Variants in PCDH15 observed in about 807,000 individuals in gnomAD.
PCDH15 encodes the protein protocadherin related 15, also known as protocadherin-15.
A neutral mutation model predicts 178.5 loss-of-function variants in PCDH15; 129 were observed. The observed-to-expected ratio is 0.72, with a 90% CI of 0.63 to 0.84. PCDH15 has a LOEUF of 0.84. PCDH15 is among the 40% of genes least tolerant of loss of function. The pLI is 0.00. For synonymous variants in PCDH15, 800 were observed against 732.0 expected, an observed-to-expected ratio of 1.09 and a Z score of -1.50; for missense variants, 2,230 against 2,099.9, an observed-to-expected ratio of 1.06 and a Z score of -1.21.
chr10:54,914,563 TA>T (rs1257845229), intron 2 of PCDH15, among the ~76,000 whole-genome samples: 1 of 152,178 alleles, frequency 6.6e-6, no homozygotes, highest in Non-Finnish European at 1.5e-5. Flanking sequence ...ACATATGGAA[TA>T]GGGGGCCTTA....
At chr10:54,896,087 A>C (rs1350813664) in intron 3 of PCDH15, among the ~76,000 whole-genome samples, 2 of 152,034 alleles carry the variant, frequency 1.3e-5, no homozygotes, top group African/African-American at 4.8e-5. Flanking sequence ...GGGTTTCACT[A>C]TGTTGGCCAG....
At chr10:54,171,854 C>G (rs926540616) in intron 13 of PCDH15, among the ~76,000 whole-genome samples, 28 of 151,534 alleles carry the variant, frequency 1.8e-4, no homozygotes, top group African/African-American at 5.4e-4. Context: ...CTAACATCCC[C>G]ACAATATCAC....
intron 7 of PCDH15, among the ~76,000 whole-genome samples, chr10:54,329,017 G>T (rs1007971176): frequency 5.3e-5 from 8 of 151,872 alleles, no homozygotes; most frequent in Non-Finnish European, 7.4e-5. Flanking sequence ...TGTTTTACAA[G>T]CATATGTTTG....
intron 2 of PCDH15, among the ~76,000 whole-genome samples, chr10:55,465,997 C>G (rs560839371): frequency 2.6e-5 from 4 of 152,232 alleles, no homozygotes; most frequent in African/African-American, 7.2e-5. Flanking sequence ...TCATTGTATA[C>G]ATTTATTACA....
chr10:54,149,253 A>G (rs2044277713), intron 14 of PCDH15, among the ~76,000 whole-genome samples: 1 of 152,134 alleles, frequency 6.6e-6, no homozygotes, highest in Non-Finnish European at 1.5e-5. Context: ...ACTCAATTTA[A>G]TTTATATTCT....
chr10:54,781,564 A>C (rs1434404263), intron 1 of PCDH15, among the ~76,000 whole-genome samples: 2 of 152,176 alleles, frequency 1.3e-5, no homozygotes, highest in African/African-American at 4.8e-5. Context: ...CTAGTAATTG[A>C]AATGAAGTCA....
At chr10:55,255,768 T>G (rs557519225) in intron 1 of PCDH15, among the ~76,000 whole-genome samples, 1 of 152,370 alleles carries the variant, frequency 6.6e-6, no homozygotes, top group South Asian at 2.1e-4. Flanking sequence ...GAAGTGTCTG[T>G]TCATATCCTT....
chr10:53,823,531 A>G, intron 32 of PCDH15: 2 of 763,686 alleles, frequency 2.6e-6, no homozygotes, highest in Non-Finnish European at 4.8e-6. Flanking sequence ...TTAGAAAGGC[A>G]GGGCAGAAAA....
intron 2 of PCDH15, chr10:55,506,259 A>C (rs1840757246): frequency 6.6e-6 from 1 of 151,508 alleles, no homozygotes; most frequent in Non-Finnish European, 1.5e-5. Context: ...ACTGGAGAAG[A>C]CATAGTTTAG....
In PCDH15 at chr10:54,236,886, C is replaced by A. The variant is rs2054681160; in HGVS notation, c.922G>T (p.Asp308Tyr). The change falls in exon 9 of 38, where the codon GAT becomes TAT. Residue 308 changes from aspartate to tyrosine, a missense_variant. Transcript: ENST00000644397. Reference protein sequence around the residue: ...IIVTPPIQAIDQDRNIQPPSD... With the variant: ...IIVTPPIQAIYQDRNIQPPSD... ...GGCGGTTGAATATTCCGGTCCTGATCAATGGCTTGGATTGGTGGCGTAACA... is the reference window on the plus strand; with the variant it reads ...GGCGGTTGAATATTCCGGTCCTGATAAATGGCTTGGATTGGTGGCGTAACA... 2 of 1,613,588 alleles carry A rather than the reference C, an allele frequency of 1.2e-6. No homozygotes were observed. Among genetic ancestry groups the A allele is most frequent in the Non-Finnish European group, 1.7e-6 (2 of 1,179,680 alleles).
chr10:55,479,618 A>G (rs568682117), intron 2 of PCDH15, among the ~76,000 whole-genome samples: 1 of 151,772 alleles, frequency 6.6e-6, no homozygotes, highest in Non-Finnish European at 1.5e-5. Flanking sequence ...GCCAATGATG[A>G]CTATTTTCAC....
At chr10:55,342,856 G>T (rs959939624) in intron 2 of PCDH15, among the ~76,000 whole-genome samples, 2 of 152,228 alleles carry the variant, frequency 1.3e-5, no homozygotes, top group Middle Eastern at 6.8e-3. Flanking sequence ...AAGCATCAGG[G>T]ACTTGAGTTT....
At chr10:55,503,119 T>C (rs577111589) in intron 2 of PCDH15, among the ~76,000 whole-genome samples, 1 of 151,544 alleles carries the variant, frequency 6.6e-6, no homozygotes, top group South Asian at 2.1e-4. Flanking sequence ...TTTTGAATTA[T>C]TAATTCATTA....
chr10:54,252,827 A>G (rs2132121622), intron 8 of PCDH15, among the ~76,000 whole-genome samples: 1 of 152,008 alleles, frequency 6.6e-6, no homozygotes, highest in Non-Finnish European at 1.5e-5. Flanking sequence ...TGTCCCAGGG[A>G]ACATTCAATA....
intron 2 of PCDH15, among the ~76,000 whole-genome samples, chr10:54,981,358 C>A (rs1839227039): frequency 6.6e-6 from 1 of 152,134 alleles, no homozygotes; most frequent in African/African-American, 2.4e-5. Context: ...ATATCTTGCT[C>A]ACTACCCTAC....
At chr10:55,558,965 C>T (rs1842141797) in intron 2 of PCDH15, among the ~76,000 whole-genome samples, 1 of 152,040 alleles carries the variant, frequency 6.6e-6, no homozygotes, top group Non-Finnish European at 1.5e-5. Context: ...ATGTAATCCC[C>T]ACACAGGTAA....
chr10:54,751,485 G>GT (rs1316640727), intron 1 of PCDH15, among the ~76,000 whole-genome samples: 3 of 152,120 alleles, frequency 2.0e-5, no homozygotes. Flanking sequence ...ATACTCAAGA[G>GT]TAATCTAGCA....
At chr10:53,835,154 G>A (rs1375707085) in intron 29 of PCDH15, among the ~76,000 whole-genome samples, 2 of 152,070 alleles carry the variant, frequency 1.3e-5, no homozygotes, top group Non-Finnish European at 2.9e-5. Flanking sequence ...TATATGTATA[G>A]TTTTTTACTT....
At chr10:55,620,180 G>A (rs1435558653) in intron 2 of PCDH15, among the ~76,000 whole-genome samples, 2 of 152,014 alleles carry the variant, frequency 1.3e-5, no homozygotes, top group South Asian at 2.1e-4. Context: ...AATGTCATCA[G>A]TATATTGTGG....
Sources: gnomAD v4.1 joint callset for allele counts (sites outside exome capture counted in the v4.1 genomes callset) on GRCh38, gnomAD v4.1.1 for gene constraint, MANE v1.5 for transcripts, NCBI Gene and HGNC (gene_info 2026-07-23, HGNC 2026-07-21) for gene names.